The following RXFP1 variants were observed in gnomAD, a reference collection of about 807,000 sequenced individuals.
RXFP1 encodes relaxin receptor 1.
RXFP1 carries 73 observed loss-of-function variants against 89.8 expected under a neutral mutation model. That is an observed-to-expected ratio of 0.81 (90% CI 0.67 to 0.99). The LOEUF is 0.99. RXFP1 is among the 50% of genes least tolerant of loss of function. The pLI, the probability that RXFP1 is intolerant of heterozygous loss-of-function variation, is 0.00. For missense variants in RXFP1, 793 were observed against 895.5 expected (o/e 0.89, Z 1.46); for synonymous variants, 277 against 305.5 (o/e 0.91, Z 0.97).
intron 12 of RXFP1, among the ~76,000 whole-genome samples, chr4:158,634,374 G>A (rs1768716352): frequency 6.6e-6 from 1 of 151,994 alleles, no homozygotes; most frequent in South Asian, 2.1e-4. Flanking sequence ...GATTGTTCAG[G>A]TTTTCTGTAG....
chr4:158,568,343 A>C (rs1579684659), intron 1 of RXFP1, among the ~76,000 whole-genome samples: 1 of 152,280 alleles, frequency 6.6e-6, no homozygotes, highest in Non-Finnish European at 1.5e-5. Context: ...AAGACTGGAC[A>C]TAAAAAGATA....
intron 1 of RXFP1, among the ~76,000 whole-genome samples, chr4:158,531,269 C>G (rs927722970): frequency 6.6e-6 from 1 of 152,202 alleles, no homozygotes; most frequent in African/African-American, 2.4e-5. Context: ...CGCCTGGGCT[C>G]AAGCCATCTG....
chr4:158,534,740 G>A (rs1045822271), intron 1 of RXFP1, among the ~76,000 whole-genome samples: 1 of 151,500 alleles, frequency 6.6e-6, no homozygotes, highest in African/African-American at 2.4e-5. Flanking sequence ...TCAATGTCAC[G>A]GGCACATCAA....
chr4:158,590,814 TGGGA>T (rs1759301992), intron 2 of RXFP1, among the ~76,000 whole-genome samples: 1 of 152,158 alleles, frequency 6.6e-6, no homozygotes, highest in Admixed American at 6.5e-5. Flanking sequence ...TAGATATTTT[TGGGA>T]AAGAGAAGCT....
intron 2 of RXFP1, among the ~76,000 whole-genome samples, chr4:158,585,554 C>A (rs911699720): frequency 4.6e-5 from 7 of 152,060 alleles, no homozygotes; most frequent in Non-Finnish European, 1.0e-4. Flanking sequence ...ATAACTAATA[C>A]TTGGTACAAA....
Position 158,652,265 on chromosome 4 carries a change from A to G in RXFP1, c.*210A>G. 4.3e-6 allele frequency: 2 copies of G among 464,834 alleles called. No individual in the cohort carries two copies. The highest frequency in any genetic ancestry group is 7.5e-6 in the Non-Finnish European group (2 of 267,366). The allele number at this position is 464,834 out of a possible 1,614,324, so 28.8% of individuals were successfully genotyped here. On this transcript the variant is annotated 3_prime_UTR_variant, in exon 18 of 18. Transcript: ENST00000307765. ...GTATATATATTAGTAGACATTTTGC[A>G]TAAGAAATTAAGAGAAATCTACTTC...
chr4:158,521,842 A>G (rs1741247683), upstream of RXFP1: 2 of 563,338 alleles, frequency 3.6e-6, no homozygotes, highest in South Asian at 4.8e-5. Context: ...ATGGGAGTGG[A>G]AGGAGGGAGG....
intron 1 of RXFP1, among the ~76,000 whole-genome samples, chr4:158,568,605 C>CT (rs201290827): frequency 1.9e-4 from 29 of 151,190 alleles, no homozygotes; most frequent in African/African-American, 4.4e-4. Context: ...CAGTGATGGC[C>CT]TTTTTTTTTA....
intron 1 of RXFP1, chr4:158,543,846 A>G: frequency 1.0e-6 from 1 of 985,402 alleles, no homozygotes. Flanking sequence ...AAAATCCAGT[A>G]AGACAGAGTG....
chr4:158,605,647 G>A (rs186402760), intron 5 of RXFP1, among the ~76,000 whole-genome samples: 80 of 152,196 alleles, frequency 5.3e-4, no homozygotes, highest in Non-Finnish European at 8.5e-4. Context: ...TGTGAGTTGC[G>A]TTTTATTTTG....
intron 1 of RXFP1, among the ~76,000 whole-genome samples, chr4:158,568,814 A>G (rs1322811200): frequency 1.3e-5 from 2 of 152,228 alleles, no homozygotes; most frequent in Non-Finnish European, 2.9e-5. Flanking sequence ...CCTGTTATTA[A>G]GAAGTCCCGC....
At chr4:158,567,983 A>C (rs939657100) in intron 1 of RXFP1, among the ~76,000 whole-genome samples, 15 of 152,168 alleles carry the variant, frequency 9.9e-5, no homozygotes, top group African/African-American at 3.4e-4. Flanking sequence ...CTTTTATGAG[A>C]TGTAACACTC....
intron 4 of RXFP1, among the ~76,000 whole-genome samples, chr4:158,601,036 G>A (rs1761580259): frequency 6.6e-6 from 1 of 152,096 alleles, no homozygotes; most frequent in Non-Finnish European, 1.5e-5. Context: ...GAGAGAGAAA[G>A]CTGGGGGAAT....
At chr4:158,540,170 T>G (rs1746257891) in intron 1 of RXFP1, among the ~76,000 whole-genome samples, 1 of 152,016 alleles carries the variant, frequency 6.6e-6, no homozygotes, top group African/African-American at 2.4e-5. Flanking sequence ...GAAAGCAAGT[T>G]TATTAAGAAA....
chr4:158,544,434 A>G, intron 1 of RXFP1: 4 of 765,720 alleles, frequency 5.2e-6, no homozygotes, highest in Non-Finnish European at 6.0e-6. Context: ...ATTGACCTTC[A>G]TCTTTTTTTT....
intron 1 of RXFP1, among the ~76,000 whole-genome samples, chr4:158,557,067 G>A (rs1197038979): frequency 6.6e-6 from 1 of 152,152 alleles, no homozygotes; most frequent in African/African-American, 2.4e-5. Context: ...ATAGCCAGAA[G>A]AGAGGCTTTT....
In RXFP1 at chr4:158,612,171, T is replaced by C; in HGVS notation, c.578T>C (p.Val193Ala). ...AGAATAACCTTCCTGAAGCCGGGTG[T>C]TTTTGAAGATCTTCACAGACTAGAA... ...HNRITFLKPG[V>A]FEDLHRLEWL... is the part of the protein sequence containing the mutation. The change falls in exon 7 of 18, where the codon GTT (valine) becomes GCT (alanine). Residue 193 changes from valine (V) to alanine (A), a missense_variant. Coordinates refer to ENST00000307765, the MANE Select transcript of RXFP1 (RefSeq NM_021634.4). The C allele has an allele frequency of 6.2e-7, 1 of 1,611,572 alleles. No homozygotes were observed. The highest frequency in any genetic ancestry group is 8.5e-7 in the Non-Finnish European group (1 of 1,179,256).
intron 9 of RXFP1, among the ~76,000 whole-genome samples, chr4:158,619,800 G>C (rs1765259912): frequency 6.6e-6 from 1 of 150,522 alleles, no homozygotes; most frequent in Non-Finnish European, 1.5e-5. Context: ...AGAAACTAGA[G>C]CATTCTGCCC....
intron 9 of RXFP1, among the ~76,000 whole-genome samples, chr4:158,623,952 A>G (rs1052905233): frequency 3.3e-5 from 5 of 152,154 alleles, no homozygotes; most frequent in African/African-American, 4.8e-5. Context: ...AAACAACCAT[A>G]TCAGCCCTGA....
Sources: gnomAD v4.1 joint callset for allele counts (sites outside exome capture counted in the v4.1 genomes callset) on GRCh38, gnomAD v4.1.1 for gene constraint, MANE v1.5 for transcripts, NCBI Gene and HGNC (gene_info 2026-07-23, HGNC 2026-07-21) for gene names.